Variants in CAMK1D observed in about 807,000 individuals in gnomAD.
CAMK1D encodes calcium/calmodulin dependent protein kinase ID.
CAMK1D carries 9 observed loss-of-function variants against 47.7 expected under a neutral mutation model. That is an observed-to-expected ratio of 0.19 (90% CI 0.11 to 0.33). The LOEUF is 0.33. Ranked by LOEUF, CAMK1D falls within the 10% of genes least tolerant of loss-of-function variation. The pLI is 1.00. For synonymous variants in CAMK1D, 184 were observed against 184.9 expected, an observed-to-expected ratio of 0.99 and a Z score of 0.04; for missense variants, 291 against 488.7, an observed-to-expected ratio of 0.60 and a Z score of 3.81.
chr10:12,710,309 G>T (rs1833888830), intron 3 of CAMK1D, among the ~76,000 whole-genome samples: 2 of 152,166 alleles, frequency 1.3e-5, no homozygotes, highest in Non-Finnish European at 1.5e-5. Flanking sequence ...ACACACTACT[G>T]CCACCAGAGT....
chr10:12,700,331 C>T (rs1833463755), intron 3 of CAMK1D, among the ~76,000 whole-genome samples: 1 of 152,172 alleles, frequency 6.6e-6, no homozygotes, highest in South Asian at 2.1e-4. Flanking sequence ...TGTTCTTCTT[C>T]ACGTGGTGGG....
intron 1 of CAMK1D, among the ~76,000 whole-genome samples, chr10:12,385,959 T>C (rs763447708): frequency 6.6e-6 from 1 of 152,192 alleles, no homozygotes; most frequent in Non-Finnish European, 1.5e-5. Flanking sequence ...TTGGTCACGC[T>C]GGTCTTGAAC....
chr10:12,624,700 C>T (rs547844112), intron 2 of CAMK1D, among the ~76,000 whole-genome samples: 7 of 152,212 alleles, frequency 4.6e-5, no homozygotes, highest in Admixed American at 2.0e-4. Context: ...CCTTTTTTTA[C>T]GGGGGAGCCT....
At chr10:12,596,612 C>A (rs2132376369) in intron 2 of CAMK1D, among the ~76,000 whole-genome samples, 1 of 152,246 alleles carries the variant, frequency 6.6e-6, no homozygotes, top group South Asian at 2.1e-4. Flanking sequence ...CATCTGAAAC[C>A]TGTAGATGAG....
chr10:12,399,371 G>A (rs934470146), intron 1 of CAMK1D, among the ~76,000 whole-genome samples: 1 of 152,168 alleles, frequency 6.6e-6, no homozygotes, highest in Non-Finnish European at 1.5e-5. Flanking sequence ...GGGTGTGGTG[G>A]CAGGCGCCTG....
chr10:12,665,238 T>C (rs778523624), intron 2 of CAMK1D, among the ~76,000 whole-genome samples: 1 of 152,232 alleles, frequency 6.6e-6, no homozygotes, highest in Non-Finnish European at 1.5e-5. Context: ...CATTAACTAC[T>C]ACAAGCTGTA....
At chr10:12,485,884 G>A (rs571528186) in intron 1 of CAMK1D, among the ~76,000 whole-genome samples, 1 of 152,274 alleles carries the variant, frequency 6.6e-6, no homozygotes, top group Non-Finnish European at 1.5e-5. Flanking sequence ...TCGCTTAACA[G>A]AGCCAAATTC....
At position 12,522,816 on chromosome 10, in the gene CAMK1D, C is replaced by T. The variant is rs1291846154; in HGVS notation, c.93-30409C>T. ...CCACCTCCCAGACGGGGCGGCTGGC[C>T]GGGCGGAGGCGCCCCCCACCTCCCT... is the stretch of plus-strand genomic sequence containing the variant. On this transcript the variant is annotated intron_variant, in intron 1 of 10. Coordinates refer to ENST00000619168, the MANE Select transcript of CAMK1D (RefSeq NM_153498.4). Among the ~76,000 whole-genome samples, 8 of 98,238 alleles carry T rather than the reference C, an allele frequency of 8.1e-5. No individual in the cohort carries two copies. In the South Asian group the frequency reaches 1.3e-3, roughly 17 times the overall value. The allele number at this position is 98,238 out of a possible 152,430, so 64.4% of individuals were successfully genotyped here.
At chr10:12,687,643 G>T (rs1397329127) in intron 3 of CAMK1D, among the ~76,000 whole-genome samples, 1 of 152,150 alleles carries the variant, frequency 6.6e-6, no homozygotes, top group Non-Finnish European at 1.5e-5. Context: ...CAAGACAAAG[G>T]GTGGAAGGCA....
intron 3 of CAMK1D, among the ~76,000 whole-genome samples, chr10:12,673,281 A>G (rs1284213473): frequency 6.6e-6 from 1 of 151,964 alleles, no homozygotes; most frequent in Non-Finnish European, 1.5e-5. Flanking sequence ...TAGCCTTTTG[A>G]TTAATAAACG....
intron 3 of CAMK1D, among the ~76,000 whole-genome samples, chr10:12,690,806 G>C (rs1021223115): frequency 6.6e-6 from 1 of 152,078 alleles, no homozygotes; most frequent in African/African-American, 2.4e-5. Flanking sequence ...GGGGGCAGTT[G>C]GGAAAGTTTT....
intron 1 of CAMK1D, among the ~76,000 whole-genome samples, chr10:12,502,038 G>C (rs1233813922): frequency 6.8e-6 from 1 of 146,768 alleles, no homozygotes; most frequent in Non-Finnish European, 1.5e-5. Flanking sequence ...AGGGAGGGCA[G>C]GCAGCCACCA....
At chr10:12,807,842 C>T (rs923103202) in intron 6 of CAMK1D, among the ~76,000 whole-genome samples, 82 of 152,252 alleles carry the variant, frequency 5.4e-4, no homozygotes, top group African/African-American at 1.9e-3. Context: ...GCAAGTTGGC[C>T]ACTCGTCTTC....
chr10:12,738,691 G>T (rs2130837559), intron 3 of CAMK1D, among the ~76,000 whole-genome samples: 1 of 152,116 alleles, frequency 6.6e-6, no homozygotes, highest in South Asian at 2.1e-4. Flanking sequence ...AATTAGCCGG[G>T]CGTGGTGGCT....
intron 1 of CAMK1D, among the ~76,000 whole-genome samples, chr10:12,504,982 G>A (rs910472477): frequency 6.6e-6 from 1 of 151,910 alleles, no homozygotes; most frequent in African/African-American, 2.4e-5. Flanking sequence ...TAGCAACAAA[G>A]CAACGCTTCG....
At position 12,474,394 on chromosome 10, in the gene CAMK1D, C is replaced by T. The variant is rs552768077; in HGVS notation, c.93-78831C>T. Among the ~76,000 whole-genome samples, 30 of 151,890 alleles carry T rather than the reference C, an allele frequency of 2.0e-4. No homozygotes were observed. In the South Asian group the frequency reaches 5.2e-3, roughly 26 times the overall value. ...ATTTTTAGTAGAGATGGGGTTTCACCGTGTTTTCCAGGATGGTCTCGATCT... is the reference window on the plus strand; with the variant it reads ...ATTTTTAGTAGAGATGGGGTTTCACTGTGTTTTCCAGGATGGTCTCGATCT... On this transcript the variant is annotated intron_variant, in intron 1 of 10. Transcript: ENST00000619168.
At chr10:12,360,535 A>T (rs1056879042) in intron 1 of CAMK1D, among the ~76,000 whole-genome samples, 2 of 152,180 alleles carry the variant, frequency 1.3e-5, no homozygotes, top group Non-Finnish European at 2.9e-5. Context: ...TTTGCCTTAA[A>T]ACTTGAGAAG....
chr10:12,708,854 G>A (rs1833826279), intron 3 of CAMK1D, among the ~76,000 whole-genome samples: 1 of 152,174 alleles, frequency 6.6e-6, no homozygotes, highest in African/African-American at 2.4e-5. Flanking sequence ...ATTAGGCCAG[G>A]CGTGGTGGCT....
intron 2 of CAMK1D, among the ~76,000 whole-genome samples, chr10:12,639,679 T>C (rs780317450): frequency 1.3e-5 from 2 of 152,216 alleles, no homozygotes; most frequent in Non-Finnish European, 2.9e-5. Flanking sequence ...ATCTACTTTA[T>C]AATTAACATT....
Sources: gnomAD v4.1 joint callset for allele counts (sites outside exome capture counted in the v4.1 genomes callset) on GRCh38, gnomAD v4.1.1 for gene constraint, MANE v1.5 for transcripts, NCBI Gene and HGNC (gene_info 2026-07-23, HGNC 2026-07-21) for gene names.